CHSY3: variants seen among roughly 807,000 people sequenced by gnomAD.
CHSY3 encodes the protein N-acetylgalactosaminyl-proteoglycan 3-beta-glucuronosyltransferase 3.
A neutral mutation model predicts 67.2 loss-of-function variants in CHSY3; 35 were observed. That is an observed-to-expected ratio of 0.52 (90% CI 0.40 to 0.69). CHSY3 has a LOEUF of 0.69. Ranked by LOEUF, CHSY3 falls within the 30% of genes least tolerant of loss-of-function variation. CHSY3 has a pLI of 0.00. For missense variants in CHSY3, 1,069 were observed against 1,138.5 expected (o/e 0.94, Z 0.88); for synonymous variants, 474 against 434.7 (o/e 1.09, Z -1.12).
chr5:130,116,603 G>T (rs1257864072), intron 2 of CHSY3, among the ~76,000 whole-genome samples: 2 of 152,102 alleles, frequency 1.3e-5, no homozygotes, highest in African/African-American at 4.8e-5. Flanking sequence ...CACCGTCGTG[G>T]GTGCCAAGTG....
At chr5:129,985,510 T>C (rs867899448) in intron 2 of CHSY3, among the ~76,000 whole-genome samples, 2 of 150,438 alleles carry the variant, frequency 1.3e-5, no homozygotes, top group Middle Eastern at 3.4e-3. Flanking sequence ...TATTTGGGCT[T>C]TTTTTTTTGG....
intron 2 of CHSY3, among the ~76,000 whole-genome samples, chr5:129,952,341 G>A (rs1000270940): frequency 2.0e-5 from 3 of 152,124 alleles, no homozygotes; most frequent in Non-Finnish European, 2.9e-5. Flanking sequence ...CCCCTGGAAA[G>A]TGTTTAACAT....
intron 2 of CHSY3, chr5:130,141,430 T>C: frequency 2.7e-6 from 1 of 366,296 alleles, no homozygotes; most frequent in Non-Finnish European, 5.5e-6. Context: ...CATCCCATGG[T>C]GTTCCTTTGA....
At position 130,071,778 on chromosome 5, in the gene CHSY3, G is replaced by A. The variant is rs183121310; in HGVS notation, c.1087-112451G>A. ...TAATAATTATGTTTTTAGATTTTGA[G>A]GACCCTTTGTATTATTTTTCAAAGT... On this transcript the variant is annotated intron_variant, in intron 2 of 2. Transcript: ENST00000305031. Among the ~76,000 whole-genome samples, 5 of 151,968 alleles carry A rather than the reference G, an allele frequency of 3.3e-5. No individual in the cohort carries two copies. In the East Asian group the frequency reaches 9.7e-4, roughly 29 times the overall value.
At chr5:129,938,911 T>C (rs1289860121) in intron 2 of CHSY3, among the ~76,000 whole-genome samples, 1 of 152,216 alleles carries the variant, frequency 6.6e-6, no homozygotes, top group Non-Finnish European at 1.5e-5. Context: ...GCTTCCAATT[T>C]TCAGGTATCT....
At chr5:130,044,415 C>G (rs1765087238) in intron 2 of CHSY3, among the ~76,000 whole-genome samples, 1 of 151,870 alleles carries the variant, frequency 6.6e-6, no homozygotes, top group African/African-American at 2.4e-5. Context: ...AGAAGTGTGG[C>G]AGATACACAT....
chr5:130,156,229 A>G (rs1769372215), intron 2 of CHSY3, among the ~76,000 whole-genome samples: 1 of 152,162 alleles, frequency 6.6e-6, no homozygotes, highest in African/African-American at 2.4e-5. Flanking sequence ...CAGTCACAAA[A>G]TCCATAAAAA....
intron 2 of CHSY3, among the ~76,000 whole-genome samples, chr5:130,045,615 G>C (rs1204044154): frequency 1.3e-5 from 2 of 152,098 alleles, no homozygotes; most frequent in Admixed American, 6.6e-5. Flanking sequence ...TGCCTGAAAA[G>C]TTATCTGATG....
chr5:130,030,128 T>C (rs1158672046), intron 2 of CHSY3, among the ~76,000 whole-genome samples: 3 of 152,110 alleles, frequency 2.0e-5, no homozygotes, highest in African/African-American at 7.2e-5. Flanking sequence ...TGGTATGCTG[T>C]TTTTTATTAT....
At chr5:130,142,206 A>G (rs1393223042) in intron 2 of CHSY3, among the ~76,000 whole-genome samples, 1 of 152,206 alleles carries the variant, frequency 6.6e-6, no homozygotes, top group Non-Finnish European at 1.5e-5. Context: ...CTATAATAAT[A>G]TGGTTTTCAC....
At chr5:130,096,625 T>C (rs577156579) in intron 2 of CHSY3, among the ~76,000 whole-genome samples, 20 of 152,328 alleles carry the variant, frequency 1.3e-4, no homozygotes, top group African/African-American at 4.6e-4. Flanking sequence ...AAATAAAGTT[T>C]TTTTTTAATT....
At chr5:129,960,850 C>A (rs938058868) in intron 2 of CHSY3, among the ~76,000 whole-genome samples, 2 of 151,888 alleles carry the variant, frequency 1.3e-5, no homozygotes, top group African/African-American at 4.8e-5. Context: ...TAAGAAAGGG[C>A]ATTATAAAAG....
intron 2 of CHSY3, among the ~76,000 whole-genome samples, chr5:130,006,930 T>A (rs548388924): frequency 5.4e-4 from 82 of 152,264 alleles, no homozygotes; most frequent in Non-Finnish European, 7.6e-4. Context: ...CTGTCAGACA[T>A]TATGCCACAC....
At chr5:130,068,469 G>GAAC (rs949588380) in intron 2 of CHSY3, among the ~76,000 whole-genome samples, 7 of 151,864 alleles carry the variant, frequency 4.6e-5, no homozygotes, top group African/African-American at 9.7e-5. Flanking sequence ...ACTCCTCTAA[G>GAAC]AACAACAACA....
intron 2 of CHSY3, among the ~76,000 whole-genome samples, chr5:130,004,593 C>T (rs1183978589): frequency 6.6e-6 from 1 of 152,032 alleles, no homozygotes; most frequent in Admixed American, 6.6e-5. Flanking sequence ...ATGTAAGACT[C>T]GATTTTGGTA....
At chr5:130,013,017 C>T (rs115459878) in intron 2 of CHSY3, among the ~76,000 whole-genome samples, 2,415 of 151,456 alleles carry the variant, frequency 0.016, 51 homozygotes, top group African/African-American at 0.054. Context: ...GTAAATGCAC[C>T]CATTCCAAAT....
chr5:130,034,477 A>G (rs17162911), intron 2 of CHSY3, among the ~76,000 whole-genome samples: 3,539 of 152,248 alleles, frequency 0.023, 131 homozygotes, highest in African/African-American at 0.081. Flanking sequence ...CACCATTCTC[A>G]TCGTTGACAT....
chr5:130,076,461 T>C (rs546463835), intron 2 of CHSY3, among the ~76,000 whole-genome samples: 39 of 152,064 alleles, frequency 2.6e-4, no homozygotes, highest in African/African-American at 6.7e-4. Flanking sequence ...CCTTTTTTTT[T>C]CCCATTTTGG....
intron 2 of CHSY3, among the ~76,000 whole-genome samples, chr5:130,048,334 C>T (rs1052627340): frequency 6.6e-6 from 1 of 152,086 alleles, no homozygotes; most frequent in African/African-American, 2.4e-5. Flanking sequence ...TAGCTACTCC[C>T]TGAAATATAT....
Sources: allele counts gnomAD v4.1 joint callset (sites outside exome capture counted in the v4.1 genomes callset), GRCh38; gene constraint gnomAD v4.1.1; transcripts MANE v1.5; gene names NCBI Gene and HGNC (gene_info 2026-07-23, HGNC 2026-07-21).